EPHA6: variants seen among roughly 807,000 people sequenced by gnomAD.
The protein encoded by EPHA6 is ephrin type-A receptor 6.
In EPHA6, 50 loss-of-function variants were observed where a neutral mutation model predicts 112.0. That is an observed-to-expected ratio of 0.45 (90% CI 0.36 to 0.56). The LOEUF is 0.56. Ranked by LOEUF, EPHA6 falls within the 20% of genes least tolerant of loss-of-function variation. EPHA6 has a pLI of 0.00. For synonymous variants in EPHA6, 529 were observed against 490.7 expected (o/e 1.08, Z -1.03); for missense variants, 1,280 against 1,417.4 (o/e 0.90, Z 1.56).
chr3:97,001,093 G>A (rs1010248732), intron 3 of EPHA6, among the ~76,000 whole-genome samples: 2 of 139,848 alleles, frequency 1.4e-5, no homozygotes, highest in East Asian at 2.0e-4. Context: ...ACCGAACTAA[G>A]TATGCCAAAT....
chr3:96,889,086 T>C (rs2037803405), intron 2 of EPHA6, among the ~76,000 whole-genome samples: 1 of 152,114 alleles, frequency 6.6e-6, no homozygotes, highest in Admixed American at 6.5e-5. Context: ...TCACCTTTGC[T>C]CTAGTTCCCA....
intron 3 of EPHA6, among the ~76,000 whole-genome samples, chr3:96,996,197 C>G: frequency 6.6e-6 from 1 of 152,140 alleles, no homozygotes; most frequent in Non-Finnish European, 1.5e-5. Context: ...TTTATCATGA[C>G]ATTGCAGCAA....
At chr3:97,744,683 T>C (rs2035639088) in intron 16 of EPHA6, among the ~76,000 whole-genome samples, 1 of 151,964 alleles carries the variant, frequency 6.6e-6, no homozygotes, top group Admixed American at 6.6e-5. Flanking sequence ...ACATACAGAA[T>C]GTCCTTCCAT....
chr3:97,279,883 C>T (rs1576833148), intron 5 of EPHA6, among the ~76,000 whole-genome samples: 1 of 151,796 alleles, frequency 6.6e-6, no homozygotes, highest in Non-Finnish European at 1.5e-5. Flanking sequence ...TCTTGTTGTT[C>T]GTTTGTTTTT....
At chr3:97,589,462 A>G (rs1379076552) in intron 11 of EPHA6, among the ~76,000 whole-genome samples, 1 of 150,932 alleles carries the variant, frequency 6.6e-6, no homozygotes, top group Admixed American at 6.6e-5. Flanking sequence ...TTTTAAGATA[A>G]TAATAATAAT....
chr3:97,098,350 A>G (rs185327561), intron 3 of EPHA6, among the ~76,000 whole-genome samples: 2 of 152,010 alleles, frequency 1.3e-5, no homozygotes, highest in Admixed American at 1.3e-4. Context: ...TTCCAGGACT[A>G]TTGGAAGTAA....
At chr3:96,997,986 G>T (rs2107889961) in intron 3 of EPHA6, among the ~76,000 whole-genome samples, 1 of 151,862 alleles carries the variant, frequency 6.6e-6, no homozygotes, top group Middle Eastern at 3.4e-3. Flanking sequence ...TAGGTTAAAG[G>T]GCAAACCTAC....
intron 5 of EPHA6, among the ~76,000 whole-genome samples, chr3:97,376,109 A>G (rs567573331): frequency 6.6e-6 from 1 of 152,308 alleles, no homozygotes; most frequent in African/African-American, 2.4e-5. Flanking sequence ...ACAAAATTAT[A>G]CTTATATTCC....
intron 3 of EPHA6, among the ~76,000 whole-genome samples, chr3:97,137,159 G>A (rs1340165760): frequency 6.6e-6 from 1 of 152,128 alleles, no homozygotes. Context: ...TCAGTGGGGG[G>A]ACAGGTAGCA....
At chr3:97,130,796 T>C (rs909488697) in intron 3 of EPHA6, among the ~76,000 whole-genome samples, 2 of 152,160 alleles carry the variant, frequency 1.3e-5, no homozygotes. Flanking sequence ...ATGGGTACTT[T>C]CCTAGATCTG....
chr3:97,224,554 T>G (rs183499044), intron 3 of EPHA6, among the ~76,000 whole-genome samples: 94 of 152,324 alleles, frequency 6.2e-4, no homozygotes, highest in Admixed American at 4.1e-3. Context: ...GGCTGAAATT[T>G]GCATGGCTGA....
intron 14 of EPHA6, among the ~76,000 whole-genome samples, chr3:97,706,846 C>G (rs977714771): frequency 3.3e-5 from 5 of 151,668 alleles, no homozygotes; most frequent in Admixed American, 2.6e-4. Flanking sequence ...GACCCCTTAC[C>G]CTCTGTGCTG....
chr3:96,936,423 TATA>T (rs1179540488), intron 2 of EPHA6, among the ~76,000 whole-genome samples: 1 of 152,012 alleles, frequency 6.6e-6, no homozygotes, highest in Non-Finnish European at 1.5e-5. Flanking sequence ...ATGAATCCAT[TATA>T]ATGATAGAGT....
intron 1 of EPHA6, among the ~76,000 whole-genome samples, chr3:96,815,550 C>A (rs1219326308): frequency 3.3e-5 from 5 of 152,132 alleles, no homozygotes; most frequent in African/African-American, 1.2e-4. Flanking sequence ...CGAAATTCTT[C>A]CTAGACCAGA....
intron 3 of EPHA6, among the ~76,000 whole-genome samples, chr3:96,990,761 T>C (rs1159449553): frequency 6.6e-6 from 1 of 152,148 alleles, no homozygotes. Context: ...GCCCCTTTCT[T>C]TCCTCTGATG....
intron 3 of EPHA6, among the ~76,000 whole-genome samples, chr3:97,170,490 A>T (rs1464672937): frequency 6.6e-6 from 1 of 152,092 alleles, no homozygotes; most frequent in African/African-American, 2.4e-5. Flanking sequence ...TAATCCCAGC[A>T]CTTTGGGAGG....
At chr3:97,300,581 G>T (rs1020327641) in intron 5 of EPHA6, among the ~76,000 whole-genome samples, 12 of 152,068 alleles carry the variant, frequency 7.9e-5, no homozygotes, top group Non-Finnish European at 1.5e-4. Flanking sequence ...TCAAATAAAT[G>T]GGAGGCATAT....
chr3:97,151,479 A>T (rs2108376508), intron 3 of EPHA6, among the ~76,000 whole-genome samples: 1 of 152,276 alleles, frequency 6.6e-6, no homozygotes, highest in East Asian at 1.9e-4. Flanking sequence ...AAGCACCCAA[A>T]GCCAAGCCAA....
intron 3 of EPHA6, among the ~76,000 whole-genome samples, chr3:97,153,609 TA>T (rs1018273001): frequency 3.9e-5 from 6 of 152,086 alleles, no homozygotes; most frequent in Non-Finnish European, 7.4e-5. Flanking sequence ...CTCCAGGGAC[TA>T]AAAAAACATA....
Sources: allele counts gnomAD v4.1 joint callset (sites outside exome capture counted in the v4.1 genomes callset), GRCh38; gene constraint gnomAD v4.1.1; transcripts MANE v1.5; gene names NCBI Gene and HGNC (gene_info 2026-07-23, HGNC 2026-07-21).